PRR16: variants seen among roughly 807,000 people sequenced by gnomAD.
PRR16 encodes proline rich 16.
Under a neutral mutation model 18.2 loss-of-function variants are expected in PRR16, and 6 were observed. The ratio of observed to expected loss-of-function variants is 0.33; its 90% CI spans 0.18 to 0.65. PRR16 has a LOEUF of 0.65. Among genes scored for constraint, PRR16 ranks in the 30% least tolerant of loss-of-function variants. The probability of loss-of-function intolerance (pLI) is 0.74; values close to 1 mark genes in which losing one functional copy is unlikely to be tolerated. For synonymous variants in PRR16, 151 were observed against 147.8 expected (o/e 1.02, Z -0.16); for missense variants, 412 against 376.6 (o/e 1.09, Z -0.78).
At chr5:120,777,237 A>G in the PRR16 span, among the ~76,000 whole-genome samples, 2 of 152,138 alleles carry the variant, frequency 1.3e-5, no homozygotes, top group African/African-American at 4.8e-5. Context: ...ATTGTTCAAT[A>G]TATTTATTCA....
At chr5:120,475,311 A>G (rs1427657971) in intron 1 of PRR16, among the ~76,000 whole-genome samples, 1 of 152,142 alleles carries the variant, frequency 6.6e-6, no homozygotes, top group Non-Finnish European at 1.5e-5. Context: ...TAACTTCAAC[A>G]TAGTTACTTT....
chr5:120,498,940 A>G (rs1316392420), intron 1 of PRR16, among the ~76,000 whole-genome samples: 2 of 150,718 alleles, frequency 1.3e-5, no homozygotes, highest in African/African-American at 2.4e-5. Flanking sequence ...TTCTCTTACT[A>G]CTTTAAAGAT....
intron 1 of PRR16, among the ~76,000 whole-genome samples, chr5:120,675,020 G>A (rs990939905): frequency 6.6e-6 from 1 of 151,900 alleles, no homozygotes; most frequent in African/African-American, 2.4e-5. Context: ...TTACTACAAA[G>A]TTCTATTTAG....
At chr5:120,540,375 A>C (rs17146756) in intron 1 of PRR16, among the ~76,000 whole-genome samples, 2,996 of 152,228 alleles carry the variant, frequency 0.02, 111 homozygotes, top group African/African-American at 0.068. Context: ...TCTTGCTTTA[A>C]TCAGAAAATC....
intron 1 of PRR16, among the ~76,000 whole-genome samples, chr5:120,598,859 G>T (rs1240033180): frequency 6.6e-6 from 1 of 151,484 alleles, no homozygotes; most frequent in Non-Finnish European, 1.5e-5. Flanking sequence ...AATGCTTTTG[G>T]CTTTAAAATC....
At chr5:120,616,236 A>T (rs1379366096) in intron 1 of PRR16, among the ~76,000 whole-genome samples, 2 of 152,142 alleles carry the variant, frequency 1.3e-5, no homozygotes. Context: ...ACAAGTCTCA[A>T]ATGCAGAAAC....
intron 1 of PRR16, among the ~76,000 whole-genome samples, chr5:120,484,886 C>T (rs976654870): frequency 6.6e-6 from 1 of 151,082 alleles, no homozygotes; most frequent in East Asian, 1.9e-4. Flanking sequence ...AAAGAGTATA[C>T]ATACATATAT....
At chr5:120,765,323 T>C in the PRR16 span, among the ~76,000 whole-genome samples, 1 of 152,154 alleles carries the variant, frequency 6.6e-6, no homozygotes, top group African/African-American at 2.4e-5. Context: ...CTGTTTTTGA[T>C]GATTCAAATG....
the PRR16 span, among the ~76,000 whole-genome samples, chr5:120,749,800 T>A: frequency 0.051 from 7,799 of 152,184 alleles, 248 homozygotes; most frequent in Middle Eastern, 0.2. Flanking sequence ...TATTCTCGTT[T>A]GAATAGTCTG....
intron 1 of PRR16, among the ~76,000 whole-genome samples, chr5:120,634,636 C>G (rs1325579047): frequency 6.6e-6 from 1 of 152,078 alleles, no homozygotes; most frequent in South Asian, 2.1e-4. Context: ...GAGTGATACT[C>G]TGTCTCAAAA....
intron 1 of PRR16, among the ~76,000 whole-genome samples, chr5:120,511,112 G>A (rs575999315): frequency 6.6e-6 from 1 of 152,246 alleles, no homozygotes; most frequent in Non-Finnish European, 1.5e-5. Context: ...AATGTGTAAC[G>A]AGAAATAGCA....
chr5:120,780,068 C>T, the PRR16 span, among the ~76,000 whole-genome samples: 1 of 152,154 alleles, frequency 6.6e-6, no homozygotes, highest in African/African-American at 2.4e-5. Flanking sequence ...ATATTAATGT[C>T]TATCCTTTTT....
intron 1 of PRR16, among the ~76,000 whole-genome samples, chr5:120,486,156 T>C (rs924426368): frequency 6.6e-6 from 1 of 152,184 alleles, no homozygotes; most frequent in African/African-American, 2.4e-5. Flanking sequence ...ATCCTTTGGG[T>C]ATATACCCAG....
intron 1 of PRR16, among the ~76,000 whole-genome samples, chr5:120,644,959 G>A (rs1431755688): frequency 3.3e-5 from 5 of 152,102 alleles, no homozygotes; most frequent in Non-Finnish European, 7.4e-5. Flanking sequence ...TCTAAAGCCA[G>A]CTGTTGACCA....
At chr5:120,718,189 A>C in the PRR16 span, among the ~76,000 whole-genome samples, 2 of 152,134 alleles carry the variant, frequency 1.3e-5, no homozygotes, top group African/African-American at 4.8e-5. Context: ...TCCTGCAGTG[A>C]AACCTAGAGT....
intron 1 of PRR16, among the ~76,000 whole-genome samples, chr5:120,509,307 C>T (rs907372470): frequency 2.0e-5 from 3 of 151,920 alleles, no homozygotes; most frequent in Admixed American, 6.6e-5. Context: ...TCTCTTCATC[C>T]GTCTGTAGAA....
At chr5:120,530,053 T>G (rs954585352) in intron 1 of PRR16, among the ~76,000 whole-genome samples, 9 of 150,966 alleles carry the variant, frequency 6.0e-5, no homozygotes, top group South Asian at 4.2e-4. Flanking sequence ...CTTAAAACAA[T>G]TTTTCTGTCA....
intron 1 of PRR16, among the ~76,000 whole-genome samples, chr5:120,679,834 G>A (rs932951687): frequency 6.6e-6 from 1 of 152,096 alleles, no homozygotes; most frequent in African/African-American, 2.4e-5. Flanking sequence ...TGGTTACCAT[G>A]GTCTGAGTTG....
At chr5:120,575,324 C>CAT (rs1214625134) in intron 1 of PRR16, among the ~76,000 whole-genome samples, 3 of 149,182 alleles carry the variant, frequency 2.0e-5, no homozygotes, top group African/African-American at 7.5e-5. Flanking sequence ...AGGAAACACA[C>CAT]ACACACACAC....
Sources: allele counts gnomAD v4.1 joint callset (sites outside exome capture counted in the v4.1 genomes callset), GRCh38; gene constraint gnomAD v4.1.1; transcripts MANE v1.5; gene names NCBI Gene and HGNC (gene_info 2026-07-23, HGNC 2026-07-21).